The following ERC2 variants were observed in gnomAD, a reference collection of about 807,000 sequenced individuals.
ERC2 encodes ELKS/RAB6-interacting/CAST family member 2.
ERC2 carries 42 observed loss-of-function variants against 114.8 expected under a neutral mutation model. That is an observed-to-expected ratio of 0.37 (90% confidence interval 0.29 to 0.47). The LOEUF is 0.47. ERC2 is among the 20% of genes least tolerant of loss of function. The pLI, the probability that ERC2 is intolerant of heterozygous loss-of-function variation, is 0.99. For synonymous variants in ERC2, 454 were observed against 425.5 expected, an observed-to-expected ratio of 1.07 and a Z score of -0.82; for missense variants, 939 against 1,150.7, an observed-to-expected ratio of 0.82 and a Z score of 2.66.
At chr3:55,696,555 T>A in intron 16 of ERC2, among the ~76,000 whole-genome samples, 1 of 152,248 alleles carries the variant, frequency 6.6e-6, no homozygotes, top group Non-Finnish European at 1.5e-5. Flanking sequence ...AAGAAACATA[T>A]ACTCATATGT....
At chr3:56,160,009 C>A (rs1266561484) in intron 4 of ERC2, among the ~76,000 whole-genome samples, 1 of 152,034 alleles carries the variant, frequency 6.6e-6, no homozygotes, top group Non-Finnish European at 1.5e-5. Context: ...ATTTACATTC[C>A]TTTGGGTAAT....
intron 12 of ERC2, among the ~76,000 whole-genome samples, chr3:55,985,447 A>G (rs988314815): frequency 6.6e-6 from 1 of 152,240 alleles, no homozygotes; most frequent in Non-Finnish European, 1.5e-5. Flanking sequence ...TGTGTACAAT[A>G]TGTTACTAAC....
chr3:55,766,418 G>T (rs1337716221), intron 14 of ERC2, among the ~76,000 whole-genome samples: 3 of 152,052 alleles, frequency 2.0e-5, no homozygotes, highest in Admixed American at 6.5e-5. Context: ...GAGTACAATG[G>T]CGCAATCTCA....
intron 14 of ERC2, among the ~76,000 whole-genome samples, chr3:55,752,200 T>A (rs2066746656): frequency 6.6e-6 from 1 of 152,138 alleles, no homozygotes; most frequent in South Asian, 2.1e-4. Context: ...ACACCCTAAA[T>A]AATGGGATCA....
intron 7 of ERC2, among the ~76,000 whole-genome samples, chr3:56,019,872 C>T (rs191553131): frequency 2.0e-5 from 3 of 152,172 alleles, no homozygotes; most frequent in African/African-American, 7.2e-5. Flanking sequence ...ACAATTTATT[C>T]GTATTAAGGG....
At chr3:55,564,837 T>A (rs1170670030) in intron 17 of ERC2, among the ~76,000 whole-genome samples, 1 of 152,204 alleles carries the variant, frequency 6.6e-6, no homozygotes, top group African/African-American at 2.4e-5. Context: ...AGAATCCATG[T>A]CCTAGGACAG....
intron 2 of ERC2, among the ~76,000 whole-genome samples, chr3:56,414,096 C>A (rs77934031): frequency 0.015 from 2,277 of 152,260 alleles, 57 homozygotes; most frequent in African/African-American, 0.052. Flanking sequence ...CTGTAGAAAT[C>A]CAAGTCATCA....
At chr3:55,534,028 C>T (rs73077425) in intron 17 of ERC2, among the ~76,000 whole-genome samples, 5,804 of 152,130 alleles carry the variant, frequency 0.038, 157 homozygotes, top group Non-Finnish European at 0.059. Context: ...CTTGGGCAAG[C>T]GACATCCTCT....
chr3:56,377,042 C>G (rs886467553), intron 2 of ERC2, among the ~76,000 whole-genome samples: 1 of 152,118 alleles, frequency 6.6e-6, no homozygotes, highest in African/African-American at 2.4e-5. Flanking sequence ...CATCACGATC[C>G]CTTAACATGC....
intron 13 of ERC2, among the ~76,000 whole-genome samples, chr3:55,924,210 C>T (rs2065615050): frequency 6.6e-6 from 1 of 152,038 alleles, no homozygotes; most frequent in Admixed American, 6.6e-5. Context: ...TAGGAAAGTC[C>T]TCACTGTCTT....
intron 6 of ERC2, among the ~76,000 whole-genome samples, chr3:56,081,344 T>C (rs937472053): frequency 6.6e-6 from 1 of 152,090 alleles, no homozygotes; most frequent in South Asian, 2.1e-4. Flanking sequence ...GAGGATAAAA[T>C]ACTGCTCAAG....
At chr3:56,243,086 T>A (rs1236812620) in intron 3 of ERC2, among the ~76,000 whole-genome samples, 2 of 152,188 alleles carry the variant, frequency 1.3e-5, no homozygotes, top group African/African-American at 2.4e-5. Flanking sequence ...GAGTACTCCA[T>A]GTATACCCTG....
At chr3:56,093,380 A>C (rs944780023) in intron 6 of ERC2, among the ~76,000 whole-genome samples, 2 of 152,204 alleles carry the variant, frequency 1.3e-5, no homozygotes, top group Non-Finnish European at 2.9e-5. Context: ...AATGGAAAAA[A>C]GCACAGAACT....
At chr3:56,297,248 C>A (rs559168548) in intron 2 of ERC2, among the ~76,000 whole-genome samples, 7 of 151,462 alleles carry the variant, frequency 4.6e-5, no homozygotes, top group Non-Finnish European at 1.0e-4. Context: ...AAAAAAAATT[C>A]TAATTACAGC....
At chr3:56,025,555 T>A (rs1390395563) in intron 7 of ERC2, among the ~76,000 whole-genome samples, 1 of 152,122 alleles carries the variant, frequency 6.6e-6, no homozygotes, top group African/African-American at 2.4e-5. Context: ...CTTCCCTCCC[T>A]CTTTAAAACC....
intron 12 of ERC2, among the ~76,000 whole-genome samples, chr3:55,976,083 A>G (rs2069568767): frequency 6.6e-6 from 1 of 152,108 alleles, no homozygotes; most frequent in Non-Finnish European, 1.5e-5. Context: ...AGCATCTAAA[A>G]CACAGCCTGG....
chr3:56,360,346 C>T (rs73835010), intron 2 of ERC2, among the ~76,000 whole-genome samples: 3,031 of 152,112 alleles, frequency 0.02, 104 homozygotes, highest in African/African-American at 0.067. Flanking sequence ...CAAAAGTCTT[C>T]TTAATAGTCC....
At chr3:55,608,232 CA>C (rs1267330119) in intron 17 of ERC2, among the ~76,000 whole-genome samples, 1 of 152,126 alleles carries the variant, frequency 6.6e-6, no homozygotes, top group East Asian at 1.9e-4. Flanking sequence ...CGAAAAGAAA[CA>C]AAACCCTCAC....
At chr3:56,394,826 C>T (rs989625210) in intron 2 of ERC2, among the ~76,000 whole-genome samples, 7 of 152,010 alleles carry the variant, frequency 4.6e-5, no homozygotes, top group Non-Finnish European at 8.8e-5. Context: ...AAAGGTTAAA[C>T]ATAAATTTAT....
Sources: gnomAD v4.1 joint callset for allele counts (sites outside exome capture counted in the v4.1 genomes callset) on GRCh38, gnomAD v4.1.1 for gene constraint, MANE v1.5 for transcripts, NCBI Gene and HGNC (gene_info 2026-07-23, HGNC 2026-07-21) for gene names.